The following ACAT1 variants were observed in gnomAD, a reference collection of about 807,000 sequenced individuals.
ACAT1 encodes the protein acetyl-CoA acetyltransferase, mitochondrial.
A neutral mutation model predicts 47.3 loss-of-function variants in ACAT1; 28 were observed. The observed-to-expected ratio is 0.59, with a 90% CI of 0.44 to 0.81. ACAT1 has a LOEUF of 0.81. Ranked by LOEUF, ACAT1 falls within the 30% of genes least tolerant of loss-of-function variation. The probability of loss-of-function intolerance (pLI) is 0.00; values close to 1 mark genes in which losing one functional copy is unlikely to be tolerated. For missense variants in ACAT1, 469 were observed against 524.3 expected (o/e 0.89, Z 1.03); for synonymous variants, 181 against 173.6 (o/e 1.04, Z -0.34).
rs373510521 is a variant in ACAT1 at position 108,134,757 on chromosome 11, A to C, written c.335-385A>C. Among the ~76,000 whole-genome samples, 50 of 151,556 alleles carry C rather than the reference A, an allele frequency of 3.3e-4. No homozygotes were observed. The East Asian group carries it at 5.8e-3, about 18-fold the overall frequency. On this transcript the variant is annotated intron_variant, in intron 4 of 11. Coordinates refer to ENST00000265838, the MANE Select transcript of ACAT1 (RefSeq NM_000019.4). Reference sequence around the variant, plus strand: ...TCAGGAGATTGAGACCATCCTGGCTAACACAGCGAAACCCTGTCTCTACTA... The same window carrying C: ...TCAGGAGATTGAGACCATCCTGGCTCACACAGCGAAACCCTGTCTCTACTA...
Position 108,142,566 on chromosome 11 carries a change from G to A in ACAT1, c.940+16G>A, listed in dbSNP as rs2077611832. On this transcript the variant is annotated intron_variant, in intron 9 of 11. Transcript: ENST00000265838. ...AGAATAGTAGGTAAGGCCAGGCGAG[G>A]TGGCTCACACCTGTAATCCCAGCAC... 2 of 1,598,986 alleles carry A rather than the reference G, an allele frequency of 1.3e-6. No homozygotes were observed. The highest frequency in any genetic ancestry group is 1.3e-5 in the African/African-American group (1 of 74,612).
chr11:108,135,401 T>C (rs923168834), intron 5 of ACAT1, among the ~76,000 whole-genome samples, 159 bp downstream of exon 5: 4 of 152,162 alleles, frequency 2.6e-5, no homozygotes, highest in Non-Finnish European at 5.9e-5. Flanking sequence ...CTAAGTCCAT[T>C]TGAAGTATGG....
chr11:108,123,063 A>G (rs1262593388), intron 1 of ACAT1, among the ~76,000 whole-genome samples: 1 of 130,656 alleles, frequency 7.7e-6, no homozygotes, highest in Non-Finnish European at 1.7e-5. Flanking sequence ...CACCTCTATT[A>G]AAAATACACA....
chr11:108,134,755 C>T (rs1426761335), intron 4 of ACAT1, among the ~76,000 whole-genome samples: 3 of 150,422 alleles, frequency 2.0e-5, no homozygotes, highest in Non-Finnish European at 3.0e-5. Context: ...ACCATCCTGG[C>T]TAACACAGCG....
At position 108,147,495 on chromosome 11, in the gene ACAT1, T is replaced by A. The variant is rs1455867510; in HGVS notation, c.*105T>A. The A allele has an allele frequency of 4.4e-5, 62 of 1,405,426 alleles. No individual in the cohort carries two copies. The highest frequency in any genetic ancestry group is 4.3e-4 in the Admixed American group (23 of 53,342). The allele number at this position is 1,405,426 out of a possible 1,614,324, so 87.1% of individuals were successfully genotyped here. A position where few individuals can be genotyped will look rare whatever the true frequency, so the allele number is the denominator to read the frequency against. On this transcript the variant is annotated 3_prime_UTR_variant, in exon 12 of 12. Coordinates refer to ENST00000265838, the MANE Select transcript of ACAT1 (RefSeq NM_000019.4). The stretch of plus-strand genomic sequence containing the variant: ...TATATTCAGATAAGCTGTTTCATTT[T>A]TTATTATTTTCTATGTTAACTTTTA...
In ACAT1 at chr11:108,146,233, A is replaced by T; in HGVS notation, c.1037A>T (p.Asp346Val). ...AAAGATGTGGGATTGAAAAAAGAAG[A>T]TATTGCAATGTGGGAAGTAAATGAA... ...VLKDVGLKKE[D>V]IAMWEVNEAF... The change falls in exon 11 of 12, where the codon GAT becomes GTT. Residue 346 changes from aspartate to valine, a missense_variant. Physicochemically the swap from Asp to Val is radical, Grantham distance 152. Transcript: ENST00000265838. The T allele has an allele frequency of 6.2e-7, 1 of 1,613,380 alleles. No individual in the cohort carries two copies. The highest frequency in any genetic ancestry group is 8.5e-7 in the Non-Finnish European group (1 of 1,179,446).
rs1437567292 is a variant in ACAT1 at position 108,140,140 on chromosome 11, T to C, written c.655T>C (p.Tyr219His). 6.2e-7 allele frequency: 1 copy of C among 1,614,152 alleles called. No homozygotes were observed. The highest frequency in any genetic ancestry group is 8.5e-7 in the Non-Finnish European group (1 of 1,179,986). Reference protein sequence around the residue: ...NEQDAYAINSYTRSKAAWEAG... With the variant: ...NEQDAYAINSHTRSKAAWEAG... Reference sequence around the variant, plus strand: ...ACAGGACGCTTATGCTATTAATTCTTATACCAGAAGTAAAGCAGCATGGGA... The same window carrying C: ...ACAGGACGCTTATGCTATTAATTCTCATACCAGAAGTAAAGCAGCATGGGA... The change falls in exon 7 of 12, where the codon TAT becomes CAT. Residue 219 changes from tyrosine to histidine, a missense_variant. Transcript: ENST00000265838.
rs551869188 is a variant in ACAT1 at position 108,145,698 on chromosome 11, G to A, written c.1006-504G>A. 9.2e-5 allele frequency among the ~76,000 whole-genome samples: 14 copies of A among 152,080 alleles called. No individual in the cohort carries two copies. The South Asian group carries it at 1.2e-3, about 13-fold the overall frequency. On this transcript the variant is annotated intron_variant, in intron 10 of 11. Coordinates refer to ENST00000265838, the MANE Select transcript of ACAT1 (RefSeq NM_000019.4). The stretch of plus-strand genomic sequence containing the variant: ...ATTTTCTGTCCCCTATGTCAAAACA[G>A]ACATAATGCAAACAAAATTCTTTGA...
intron 1 of ACAT1, among the ~76,000 whole-genome samples, chr11:108,122,160 A>G (rs145888805): frequency 3.0e-4 from 46 of 152,288 alleles, no homozygotes; most frequent in Non-Finnish European, 4.1e-4. Context: ...ATCATAACAG[A>G]TGTTTTTTGG....
At chr11:108,118,747 T>A (rs2077105749), upstream of ACAT1, among the ~76,000 whole-genome samples, 1 of 152,232 alleles carries the variant, frequency 6.6e-6, no homozygotes, top group African/African-American at 2.4e-5. Context: ...TACTCTTATT[T>A]TTTTGAAGTT....
chr11:108,127,369 A>T (rs573990854), intron 1 of ACAT1, among the ~76,000 whole-genome samples: 1 of 150,156 alleles, frequency 6.7e-6, no homozygotes, highest in East Asian at 2.0e-4. Flanking sequence ...GGTTCACACC[A>T]TTCTCCCACC....
chr11:108,125,570 G>T (rs1276446942), intron 1 of ACAT1, among the ~76,000 whole-genome samples: 1 of 152,180 alleles, frequency 6.6e-6, no homozygotes, highest in Admixed American at 6.6e-5. Context: ...AGAGGAAAAA[G>T]TAGAGGGTAA....
rs772492360 is a variant in ACAT1 at position 108,134,285 on chromosome 11, A to G, written c.303A>G (p.Gln101=). The change falls in exon 4 of 12, where the codon CAA becomes CAG. Residue 101 remains glutamine, a synonymous_variant. Coordinates refer to ENST00000265838, the MANE Select transcript of ACAT1 (RefSeq NM_000019.4). ...ATGTTCTACAAGGAGGTGAAGGACA[A>G]GCTCCTACAAGGCAGGCAGTATTGG... ...MGNVLQGGEG[Q]APTRQAVLGA... is the part of the protein sequence containing the mutation. The G allele has an allele frequency of 5.0e-6, 8 of 1,613,660 alleles. No homozygotes were observed. The highest frequency in any genetic ancestry group is 6.8e-6 in the Non-Finnish European group (8 of 1,179,778).
At chr11:108,143,697 C>T (rs1036379022) in intron 9 of ACAT1, 4 of 299,758 alleles carry the variant, frequency 1.3e-5, no homozygotes, top group African/African-American at 6.5e-5. Context: ...AATCCTTAGT[C>T]TTTACCCAGT....
At chr11:108,131,685 A>C (rs1323620100) in intron 1 of ACAT1, among the ~76,000 whole-genome samples, 1 of 152,074 alleles carries the variant, frequency 6.6e-6, no homozygotes, top group East Asian at 1.9e-4. Context: ...TAAACTTAAG[A>C]GTTAAAACGT....
intron 2 of ACAT1, among the ~76,000 whole-genome samples, chr11:108,132,449 T>C (rs2077379321): frequency 6.6e-6 from 1 of 152,198 alleles, no homozygotes; most frequent in Non-Finnish European, 1.5e-5. Flanking sequence ...TAATAGGAGA[T>C]TGTGGAAGAC....
At position 108,141,192 on chromosome 11, in the gene ACAT1, C is replaced by T. The variant is rs546447651; in HGVS notation, c.731-413C>T. 7.2e-5 allele frequency among the ~76,000 whole-genome samples: 11 copies of T among 151,918 alleles called. No homozygotes were observed. The South Asian group carries it at 1.5e-3, about 20-fold the overall frequency. ...GCAGTGAGCTAGGTTTGTAGCATTG[C>T]ACTCTATTGGGAGACTGTGCAAGAC... On this transcript the variant is annotated intron_variant, in intron 7 of 11. Transcript: ENST00000265838.
Position 108,142,530 on chromosome 11 carries a change from C to T in ACAT1, c.920C>T (p.Thr307Ile). 1 of 1,614,076 alleles carries T rather than the reference C, an allele frequency of 6.2e-7. No homozygotes were observed. Among genetic ancestry groups the T allele is most frequent in the Non-Finnish European group, 8.5e-7 (1 of 1,179,964 alleles). Residue 307 changes from threonine to isoleucine, a missense_variant, in exon 9 of 12, where the codon ACA becomes ATA. Coordinates refer to ENST00000265838, the MANE Select transcript of ACAT1 (RefSeq NM_000019.4). ...TADAAKRLNVTPLARIVAFAD... is the reference protein window; with the variant it reads ...TADAAKRLNVIPLARIVAFAD... ...GATGCAGCGAAGAGGCTCAATGTTA[C>T]ACCACTGGCAAGAATAGTAGGTAAG... is the stretch of plus-strand genomic sequence containing the variant.
rs774412064 is a variant in ACAT1 at position 108,135,169 on chromosome 11, C to T, written c.362C>T (p.Thr121Ile). The stretch of plus-strand genomic sequence containing the variant: ...TTACCTATTTCTACTCCATGTACCA[C>T]CATAAACAAAGTTTGTGCTTCAGGA... ...AGLPISTPCT[T>I]INKVCASGMK... The change falls in exon 5 of 12, where the codon ACC becomes ATC. Residue 121 changes from threonine to isoleucine, a missense_variant. Coordinates refer to ENST00000265838, the MANE Select transcript of ACAT1 (RefSeq NM_000019.4). 1 of 1,613,762 alleles carries T rather than the reference C, an allele frequency of 6.2e-7. No homozygotes were observed. The highest frequency in any genetic ancestry group is 8.5e-7 in the Non-Finnish European group (1 of 1,179,794).
Sources: gnomAD v4.1 joint callset for allele counts (sites outside exome capture counted in the v4.1 genomes callset) on GRCh38, gnomAD v4.1.1 for gene constraint, MANE v1.5 for transcripts, NCBI Gene and HGNC (gene_info 2026-07-23, HGNC 2026-07-21) for gene names.